The following SLC10A2 variants were observed in gnomAD, a reference collection of about 807,000 sequenced individuals.
SLC10A2 encodes ileal sodium/bile acid cotransporter.
Under a neutral mutation model 27.1 loss-of-function variants are expected in SLC10A2, and 34 were observed. That is an observed-to-expected ratio of 1.26 (90% confidence interval 0.96 to 1.67). The LOEUF (loss-of-function observed/expected upper bound fraction) is 1.67, where lower values mean the gene tolerates loss of function less well. Among genes scored for constraint, SLC10A2 ranks in the 40% most tolerant of loss-of-function variants. The pLI is 0.00. For missense variants in SLC10A2, 530 were observed against 444.4 expected (o/e 1.19, Z -1.73); for synonymous variants, 205 against 174.0 (o/e 1.18, Z -1.40).
At chr13:103,048,738 A>G (rs980038495) in intron 5 of SLC10A2, among the ~76,000 whole-genome samples, 8 of 152,232 alleles carry the variant, frequency 5.3e-5, no homozygotes, top group Non-Finnish European at 1.0e-4. Flanking sequence ...AGTAAGAATT[A>G]CTTAAACTAC....
rs149096396 is a variant in SLC10A2, at chr13:103,049,373, T to A, written c.835A>T (p.Thr279Ser). The change falls in exon 5 of 6, where the codon ACT becomes TCT. Residue 279 changes from threonine to serine, a missense_variant. Coordinates refer to ENST00000245312, the MANE Select transcript of SLC10A2 (RefSeq NM_000452.3). ...AATACGACATTGAGCTCCTCAGGAG[T>A]GAAGGAGAGCTGAACGATGGTGGAA... ...LCSTIVQLSF[T>S]PEELNVVFTF... 6.9e-5 allele frequency: 112 copies of A among 1,613,760 alleles called. No homozygotes were observed. The African/African-American group carries it at 1.4e-3, about 20-fold the overall frequency.
At position 103,066,199 on chromosome 13, in the gene SLC10A2, T is replaced by G. The variant is rs1566516959; in HGVS notation, c.51A>C (p.Ala17=). 6.2e-7 allele frequency: 1 copy of G among 1,614,136 alleles called. No homozygotes were observed. Among genetic ancestry groups the G allele is most frequent in the East Asian group, 2.2e-5 (1 of 44,886 alleles). ...AATTGCTCTCAGGTACCACACAGGA[T>G]GCACCAGAGCAAACTGTTGCATTGT... ...CVDNATVCSG[A]SCVVPESNFN... The change falls in exon 1 of 6, where the codon GCA becomes GCC. Residue 17 remains alanine (A), a synonymous_variant. Transcript: ENST00000245312.
In SLC10A2 at chr13:103,044,118, CT is replaced by C. The variant is rs1875538582; in HGVS notation, c.*2014del. Reference sequence around the variant, plus strand: ...TTCAAATTCATTTAAAAATAGAGAGCTATCATTTTAGAAAGCTCAGCTATTT... The same window carrying C: ...TTCAAATTCATTTAAAAATAGAGAGCATCATTTTAGAAAGCTCAGCTATTT... On this transcript the variant is annotated 3_prime_UTR_variant, in exon 6 of 6. Transcript: ENST00000245312. The C allele has an allele frequency of 6.6e-6, 1 of 152,056 alleles. No individual in the cohort carries two copies. The highest frequency in any genetic ancestry group is 2.4e-5 in the African/African-American group (1 of 41,404). 9.4% of individuals were successfully genotyped at this position (152,056 alleles called of 1,614,324 possible). A position where few individuals can be genotyped will look rare whatever the true frequency, so the allele number is the denominator to read the frequency against.
At chr13:103,053,723 G>A (rs1875855795) in intron 2 of SLC10A2, among the ~76,000 whole-genome samples, 1 of 152,164 alleles carries the variant, frequency 6.6e-6, no homozygotes, top group African/African-American at 2.4e-5. Flanking sequence ...TTAATTTAAA[G>A]TGAATGCAAT....
Position 103,052,672 on chromosome 13 carries a change from A to G in SLC10A2, c.533T>C (p.Ile178Thr), listed in dbSNP as rs769577812. 6.8e-6 allele frequency: 11 copies of G among 1,612,582 alleles called. No individual in the cohort carries two copies. The highest frequency in any genetic ancestry group is 4.5e-5 in the East Asian group (2 of 44,864). ...CCATTTGTGATTAACAAACATTCCAATGGAAACAGGAACAACGAGAGAAAC... is the reference window on the plus strand; with the variant it reads ...CCATTTGTGATTAACAAACATTCCAGTGGAAACAGGAACAACGAGAGAAAC... ...SLVSLVVPVS[I>T]GMFVNHKWPQ... Residue 178 changes from isoleucine to threonine, a missense_variant, in exon 3 of 6, where the codon ATT becomes ACT. Ile to Thr is a moderately conservative substitution (Grantham distance 89). Transcript: ENST00000245312.
chr13:103,066,386 G>C lies in SLC10A2; in HGVS notation c.-137C>G, dbSNP rs184458646. On this transcript the variant is annotated 5_prime_UTR_variant, in exon 1 of 6. Coordinates refer to ENST00000245312, the MANE Select transcript of SLC10A2 (RefSeq NM_000452.3). ...AACCCCTCCTAAAAATATGTCACTT[G>C]GTGTCTCTTTTGAAAGCCACCTTAG... The C allele has an allele frequency of 8.7e-4, 806 of 925,238 alleles. No individual in the cohort carries two copies. Among genetic ancestry groups the C allele is most frequent in the Admixed American group, 1.9e-3 (65 of 33,534 alleles). 57.3% of individuals were successfully genotyped at this position (925,238 alleles called of 1,614,324 possible).
chr13:103,052,847 T>TAC (rs924167337), intron 2 of SLC10A2, 139 bp from the exon 3 acceptor site: 15 of 693,498 alleles, frequency 2.2e-5, no homozygotes, highest in Non-Finnish European at 3.2e-5. Context: ...AATACAGAAT[T>TAC]ACACACACAC....
chr13:103,065,433 G>C (rs148202621), intron 1 of SLC10A2, among the ~76,000 whole-genome samples: 1,860 of 152,218 alleles, frequency 0.012, 10 homozygotes, highest in Non-Finnish European at 0.019. Context: ...GTTGACCACT[G>C]TCTCACTACA....
intron 2 of SLC10A2, among the ~76,000 whole-genome samples, chr13:103,054,075 G>A (rs191928465): frequency 5.3e-5 from 8 of 150,972 alleles, no homozygotes; most frequent in Non-Finnish European, 1.2e-4. Flanking sequence ...ACTAAAGGAC[G>A]GGTCTGTTGG....
chr13:103,052,388 C>A (rs1337465103), intron 3 of SLC10A2, among the ~76,000 whole-genome samples: 1 of 152,082 alleles, frequency 6.6e-6, no homozygotes, highest in Non-Finnish European at 1.5e-5. Flanking sequence ...TTGGAAGGAT[C>A]ACTTGAGCAC....
Position 103,060,486 on chromosome 13 carries a change from G to C in SLC10A2, c.378-2104C>G, listed in dbSNP as rs573727218. 2.7e-5 allele frequency among the ~76,000 whole-genome samples: 4 copies of C among 149,258 alleles called. No individual in the cohort carries two copies. In the South Asian group the frequency reaches 8.5e-4, roughly 32 times the overall value. On this transcript the variant is annotated intron_variant, in intron 1 of 5. Coordinates refer to ENST00000245312, the MANE Select transcript of SLC10A2 (RefSeq NM_000452.3). Reference sequence around the variant, plus strand: ...TGAAGCCTGGGCTCAAGTGATCTTTGCACCTCAGCCTCCCGAGTAGCTGGG... The same window carrying C: ...TGAAGCCTGGGCTCAAGTGATCTTTCCACCTCAGCCTCCCGAGTAGCTGGG...
Position 103,044,441 on chromosome 13 carries a change from T to G in SLC10A2, c.*1692A>C, listed in dbSNP as rs1875547797. On this transcript the variant is annotated 3_prime_UTR_variant, in exon 6 of 6. Coordinates refer to ENST00000245312, the MANE Select transcript of SLC10A2 (RefSeq NM_000452.3). ...ATTGGGAGCATATTCTCTGACACTCTCTAAGAAGGAAGTCTGTACCCCCTC... is the reference window on the plus strand; with the variant it reads ...ATTGGGAGCATATTCTCTGACACTCGCTAAGAAGGAAGTCTGTACCCCCTC... 6.6e-6 allele frequency: 1 copy of G among 152,178 alleles called. No individual in the cohort carries two copies. Among genetic ancestry groups the G allele is most frequent in the Non-Finnish European group, 1.5e-5 (1 of 68,038 alleles). The allele number at this position is 152,178 out of a possible 1,614,324, so 9.4% of individuals were successfully genotyped here.
At chr13:103,049,925 G>A (rs1483123395) in intron 4 of SLC10A2, among the ~76,000 whole-genome samples, 4 of 152,158 alleles carry the variant, frequency 2.6e-5, no homozygotes, top group Non-Finnish European at 5.9e-5. Flanking sequence ...AGGATTTCTT[G>A]AGCCCAGGTG....
chr13:103,054,117 TG>T (rs3837573), intron 2 of SLC10A2, among the ~76,000 whole-genome samples: 82,502 of 151,780 alleles, frequency 0.54, 22,996 homozygotes, highest in African/African-American at 0.68. Context: ...GATTGAATTG[TG>T]GGGGGCAGAC....
rs1386648746 is a variant in SLC10A2, at chr13:103,046,339, T to C, written c.920-79A>G. 1.4e-5 allele frequency: 17 copies of C among 1,197,606 alleles called. 1 individual carries two copies. The South Asian group carries it at 2.2e-4, about 16-fold the overall frequency. The allele number at this position is 1,197,606 out of a possible 1,614,324, so 74.2% of individuals were successfully genotyped here. A position where few individuals can be genotyped will look rare whatever the true frequency, so the allele number is the denominator to read the frequency against. ...ATTACTTTGCATAGAGATTATAACC[T>C]ATGATTCACATGGCAGATCACATTT... is the stretch of plus-strand genomic sequence containing the variant. On this transcript the variant is annotated intron_variant, in intron 5 of 5. Coordinates refer to ENST00000245312, the MANE Select transcript of SLC10A2 (RefSeq NM_000452.3).
In SLC10A2 at chr13:103,046,076, A is replaced by C; in HGVS notation, c.*57T>G. 1.3e-6 allele frequency: 2 copies of C among 1,595,058 alleles called. No homozygotes were observed. The highest frequency in any genetic ancestry group is 1.7e-4 in the Middle Eastern group (1 of 6,004). On this transcript the variant is annotated 3_prime_UTR_variant, in exon 6 of 6. Coordinates refer to ENST00000245312, the MANE Select transcript of SLC10A2 (RefSeq NM_000452.3). ...CTGTCCTACCAAAACAAATAATTAA[A>C]TATAGTTACGGTTTAAGAACGTAAT...
At chr13:103,051,636 A>G (rs1728332596) in intron 3 of SLC10A2, among the ~76,000 whole-genome samples, 1 of 152,228 alleles carries the variant, frequency 6.6e-6, no homozygotes, top group African/African-American at 2.4e-5. Context: ...CTTTAAGAAC[A>G]CAATAGGACA....
In SLC10A2 at chr13:103,046,085, C is replaced by G. The variant is rs201614833; in HGVS notation, c.*48G>C. The G allele has an allele frequency of 1.2e-6, 2 of 1,604,690 alleles. No individual in the cohort carries two copies. Among genetic ancestry groups the G allele is most frequent in the Admixed American group, 3.3e-5 (2 of 59,894 alleles). On this transcript the variant is annotated 3_prime_UTR_variant, in exon 6 of 6. Coordinates refer to ENST00000245312, the MANE Select transcript of SLC10A2 (RefSeq NM_000452.3). ...CAAAACAAATAATTAAATATAGTTA[C>G]GGTTTAAGAACGTAATTTGGAACTC...
rs1183668388 is a variant in SLC10A2, at chr13:103,066,018, T to A, written c.232A>T (p.Ile78Phe). The A allele has an allele frequency of 6.2e-7, 1 of 1,613,830 alleles. No individual in the cohort carries two copies. Among genetic ancestry groups the A allele is most frequent in the East Asian group, 2.2e-5 (1 of 44,894 alleles). The change falls in exon 1 of 6, where the codon ATC becomes TTC. Residue 78 changes from isoleucine (I) to phenylalanine (F), a missense_variant. By Grantham distance (21) the Ile-to-Phe change is conservative. Transcript: ENST00000245312. ...ICVGFLCQFG[I>F]MPLTGFILSV... ...AGGATGAATCCTGTGAGGGGCATGA[T>A]TCCAAACTGACAGAGGAAGCCAACA...
Sources: allele counts gnomAD v4.1 joint callset (sites outside exome capture counted in the v4.1 genomes callset), GRCh38; gene constraint gnomAD v4.1.1; transcripts MANE v1.5; gene names NCBI Gene and HGNC (gene_info 2026-07-23, HGNC 2026-07-21).